Variants in CGN observed in about 807,000 individuals in gnomAD.
CGN encodes the protein cingulin.
Under a neutral mutation model 157.1 loss-of-function variants are expected in CGN, and 121 were observed. That is an observed-to-expected ratio of 0.77 (90% CI 0.66 to 0.90). The LOEUF is 0.90. Among genes scored for constraint, CGN ranks in the 40% least tolerant of loss-of-function variants. CGN has a pLI of 0.00. For missense variants in CGN, 1,424 were observed against 1,520.9 expected (o/e 0.94, Z 1.06); for synonymous variants, 535 against 607.5 (o/e 0.88, Z 1.76).
chr1:151,511,499 C>T lies in CGN; in HGVS notation c.-31C>T, dbSNP rs1338269831. The stretch of plus-strand genomic sequence containing the variant: ...CCGAGCCCGAACGCAAGCCTGGGAG[C>T]GCGGAGCCCGGCTAGGGTGAGTGGA... On this transcript the variant is annotated 5_prime_UTR_variant, in exon 1 of 21. Coordinates refer to ENST00000271636, the MANE Select transcript of CGN (RefSeq NM_020770.3). This position sits in a 1 kb window ranked among gnomAD's most constrained non-coding sequence, Gnocchi z 4.8. 2.3e-5 allele frequency: 4 copies of T among 176,800 alleles called. No individual in the cohort carries two copies. The highest frequency in any genetic ancestry group is 4.8e-5 in the African/African-American group (2 of 41,634). 11.0% of individuals were successfully genotyped at this position (176,800 alleles called of 1,614,324 possible).
chr1:151,531,649 A>G (rs545983184), intron 13 of CGN, among the ~76,000 whole-genome samples: 1 of 152,302 alleles, frequency 6.6e-6, no homozygotes, highest in East Asian at 1.9e-4. Context: ...AAAAAAAAAA[A>G]TCTTCATTGG....
At chr1:151,520,358 G>T (rs1158389868) in intron 3 of CGN, 56 bp from the exon 4 acceptor site, 4 of 1,571,162 alleles carry the variant, frequency 2.5e-6, no homozygotes, top group African/African-American at 2.7e-5. Context: ...ACCCTTTCCT[G>T]ATCTCTGCTA....
chr1:151,527,198 C>T, intron 10 of CGN, 91 bp downstream of exon 10: 1 of 1,432,472 alleles, frequency 7.0e-7, no homozygotes, highest in Non-Finnish European at 9.8e-7. Context: ...GTGGGGCTAT[C>T]TCCTGTGTGC....
intron 13 of CGN, among the ~76,000 whole-genome samples, chr1:151,531,409 T>A (rs1462991196): frequency 6.6e-6 from 1 of 152,200 alleles, no homozygotes; most frequent in South Asian, 2.1e-4. Context: ...AAAATAAAAT[T>A]AGCCTGCTGT....
At position 151,525,008 on chromosome 1, in the gene CGN, G is replaced by A. The variant is rs115635511; in HGVS notation, c.1614+122G>A. On this transcript the variant is annotated intron_variant, in intron 8 of 20. Coordinates refer to ENST00000271636, the MANE Select transcript of CGN (RefSeq NM_020770.3). ...GGGAACTCCCCCTCTCCTCCTAAAG[G>A]ACACAGTGAGATCTGCTGAAAACCT... is the stretch of plus-strand genomic sequence containing the variant. The A allele has an allele frequency of 1.8e-3, 1,421 of 771,204 alleles. 18 individuals are homozygous for A. Among genetic ancestry groups the A allele is most frequent in the African/African-American group, 0.018 (1,033 of 56,896 alleles). The allele number at this position is 771,204 out of a possible 1,614,324, so 47.8% of individuals were successfully genotyped here.
chr1:151,519,229 C>G lies in CGN; in HGVS notation c.710C>G (p.Ser237Cys), dbSNP rs1664485739. The G allele has an allele frequency of 6.2e-7, 1 of 1,614,168 alleles. No homozygotes were observed. The highest frequency in any genetic ancestry group is 8.5e-7 in the Non-Finnish European group (1 of 1,180,044). The change falls in exon 2 of 21, where the codon TCT (serine) becomes TGT (cysteine). Residue 237 changes from serine (S) to cysteine (C), a missense_variant. Physicochemically the swap from Ser to Cys is moderately radical, Grantham distance 112. Around this residue, in one of 3 missense-constraint regions of CGN, gnomAD observed 1,187 missense variants for 1,217.6 expected, o/e 0.97. Transcript: ENST00000271636. ...RERQSTNHWTSSTKYDNHVGT... is the reference protein window; with the variant it reads ...RERQSTNHWTCSTKYDNHVGT... ...CGCCAGTCCACCAACCACTGGACCT[C>G]TAGCACAAAATATGACAACCATGTG...
At chr1:151,523,590 C>T (rs201299960) in intron 6 of CGN, 29 bp downstream of exon 6, 378 of 1,573,750 alleles carry the variant, frequency 2.4e-4, no homozygotes, top group Non-Finnish European at 2.6e-4. Flanking sequence ...GCACCTCGGG[C>T]TGCTTGGGGG....
intron 14 of CGN, among the ~76,000 whole-genome samples, chr1:151,532,860 C>T (rs960286245): frequency 2.0e-5 from 3 of 152,068 alleles, no homozygotes; most frequent in South Asian, 2.1e-4. Context: ...ACCTCGTGAT[C>T]CGCCCTCCTC....
chr1:151,533,935 C>T (rs1238217899), intron 14 of CGN, 40 bp from the exon 15 acceptor site: 1 of 1,559,070 alleles, frequency 6.4e-7, no homozygotes, highest in Non-Finnish European at 8.6e-7. Context: ...CCCTCACCTT[C>T]TCACTACACT....
upstream of CGN, chr1:151,510,526 A>G (rs1391924566): frequency 6.6e-6 from 1 of 152,146 alleles, no homozygotes; most frequent in African/African-American, 2.4e-5. Flanking sequence ...CAGCATCCCT[A>G]CTTTTTGAGA....
chr1:151,511,481 C>CGAGCCG lies in CGN; in HGVS notation c.-47_-46insGCCGGA. 5.2e-6 allele frequency: 1 copy of CGAGCCG among 190,524 alleles called. No homozygotes were observed. Among genetic ancestry groups the CGAGCCG allele is most frequent in the Admixed American group, 5.7e-5 (1 of 17,446 alleles). 11.8% of individuals were successfully genotyped at this position (190,524 alleles called of 1,614,324 possible). On this transcript the variant is annotated 5_prime_UTR_variant, in exon 1 of 21. Transcript: ENST00000271636. This position sits in a 1 kb window ranked among gnomAD's most constrained non-coding sequence, Gnocchi z 4.8. Reference sequence around the variant, plus strand: ...CCGAGCCCGAGCCCGAGCCCGAGCCCGAACGCAAGCCTGGGAGCGCGGAGC... The same window carrying CGAGCCG: ...CCGAGCCCGAGCCCGAGCCCGAGCCCGAGCCGGAACGCAAGCCTGGGAGCGCGGAGC...
chr1:151,526,243 G>C (rs1664677435), intron 9 of CGN, among the ~76,000 whole-genome samples: 1 of 142,862 alleles, frequency 7.0e-6, no homozygotes, highest in African/African-American at 2.6e-5. Context: ...CAGTGGTGCA[G>C]TCTTGGCTCA....
intron 1 of CGN, among the ~76,000 whole-genome samples, chr1:151,513,199 G>T (rs1293742785): frequency 6.6e-6 from 1 of 152,210 alleles, no homozygotes; most frequent in Non-Finnish European, 1.5e-5. Flanking sequence ...CTCCTCCGTG[G>T]TGTGGAATTT....
Position 151,524,689 on chromosome 1 carries a change from C to T in CGN, c.1417C>T (p.Arg473Trp), listed in dbSNP as rs773138105. The part of the protein sequence containing the change: ...EVLLKDLLET[R>W]ELLEEVLEGK... ...TTTTCTCCAGGACCTGTTAGAGACC[C>T]GGGAACTTCTGGAAGAGGTCTTGGA... is the stretch of plus-strand genomic sequence containing the variant. The change falls in exon 8 of 21, where the codon CGG becomes TGG. Residue 473 changes from arginine (R) to tryptophan (W), a missense_variant. Physicochemically the swap from Arg to Trp is moderately radical, Grantham distance 101 (BLOSUM62 -3). Transcript: ENST00000271636. The surrounding 1 kb of genome is among the most constrained non-coding windows in gnomAD (Gnocchi z 4.4). 14 of 1,607,624 alleles carry T rather than the reference C, an allele frequency of 8.7e-6. No individual in the cohort carries two copies. The highest frequency in any genetic ancestry group is 6.6e-5 in the South Asian group (6 of 90,518).
Position 151,520,276 on chromosome 1 carries a change from G to A in CGN, c.974+10G>A, listed in dbSNP as rs1664511289. ...GCATCCTGAGGGAGGGGTGAGTGGG[G>A]GCCCCCCCAACAACAGAGGCATACC... On this transcript the variant is annotated intron_variant, in intron 3 of 20. Transcript: ENST00000271636. The A allele has an allele frequency of 1.2e-6, 2 of 1,608,672 alleles. No homozygotes were observed. Among genetic ancestry groups the A allele is most frequent in the Non-Finnish European group, 1.7e-6 (2 of 1,175,838 alleles).
chr1:151,518,557 C>A lies in CGN; in HGVS notation c.38C>A (p.Pro13His). 1 of 1,612,832 alleles carries A rather than the reference C, an allele frequency of 6.2e-7. No homozygotes were observed. Among genetic ancestry groups the A allele is most frequent in the Non-Finnish European group, 8.5e-7 (1 of 1,178,926 alleles). Residue 13 changes from proline to histidine, a missense_variant, in exon 2 of 21, where the codon CCC becomes CAC. By Grantham distance (77) the Pro-to-His change is moderately conservative. This residue lies in a region of CGN where 1,187 missense variants were observed against 1,217.6 expected (regional missense o/e 0.97). Coordinates refer to ENST00000271636, the MANE Select transcript of CGN (RefSeq NM_020770.3). ...QAPNMAEPRG[P>H]VDHGVQIRFI... Reference sequence around the variant, plus strand: ...CCCAACATGGCTGAGCCCCGGGGCCCCGTAGACCATGGAGTCCAGATTCGC... The same window carrying A: ...CCCAACATGGCTGAGCCCCGGGGCCACGTAGACCATGGAGTCCAGATTCGC...
intron 14 of CGN, among the ~76,000 whole-genome samples, 157 bp downstream of exon 14, chr1:151,532,729 C>G (rs1664868499): frequency 6.6e-6 from 1 of 150,992 alleles, no homozygotes; most frequent in Non-Finnish European, 1.5e-5. Context: ...ACACCATTCT[C>G]CTGCCTCAGC....
intron 12 of CGN, 86 bp from the exon 13 acceptor site, chr1:151,530,402 CT>C (rs1664806456): frequency 6.9e-7 from 1 of 1,451,794 alleles, no homozygotes; most frequent in African/African-American, 1.4e-5. Flanking sequence ...TAAATACCTC[CT>C]TTCTCCTGCC....
rs72692707 is a variant in CGN at position 151,511,803 on chromosome 1, G to A, written c.-15+288G>A. ...GTTTCAGCGCCAGATGTCTCTGGAG[G>A]TCAGACGCCAGCCCTAGGGGCAGAA... On this transcript the variant is annotated intron_variant, in intron 1 of 20. Coordinates refer to ENST00000271636, the MANE Select transcript of CGN (RefSeq NM_020770.3). The surrounding 1 kb of genome is among the most constrained non-coding windows in gnomAD (Gnocchi z 4.8). 3.6e-3 allele frequency among the ~76,000 whole-genome samples: 555 copies of A among 152,338 alleles called. 5 individuals carry two copies. Among genetic ancestry groups the A allele is most frequent in the Middle Eastern group, 0.01 (3 of 294 alleles).
Sources: gnomAD v4.1 joint callset for allele counts (sites outside exome capture counted in the v4.1 genomes callset) on GRCh38, gnomAD v4.1.1 for gene constraint, gnomAD v4.1.1 regional missense constraint, Gnocchi (gnomAD v3.1) non-coding constraint, MANE v1.5 for transcripts, NCBI Gene and HGNC (gene_info 2026-07-23, HGNC 2026-07-21) for gene names.